Variants in BUB1 observed in about 807,000 individuals in gnomAD.
BUB1 encodes the protein mitotic checkpoint serine/threonine-protein kinase BUB1.
In BUB1, 84 loss-of-function variants were observed where a neutral mutation model predicts 135.2. The observed-to-expected ratio is 0.62, with a 90% CI of 0.52 to 0.74. The LOEUF is 0.74. Among genes scored for constraint, BUB1 ranks in the 30% least tolerant of loss-of-function variants. The pLI, the probability that BUB1 is intolerant of heterozygous loss-of-function variation, is 0.00. For synonymous variants in BUB1, 403 were observed against 434.4 expected, an observed-to-expected ratio of 0.93 and a Z score of 0.90; for missense variants, 1,162 against 1,288.3, an observed-to-expected ratio of 0.90 and a Z score of 1.50.
In BUB1 at chr2:110,639,795, G is replaced by A. The variant is rs753838787; in HGVS notation, c.3009C>T (p.Tyr1003=). The change falls in exon 24 of 25, where the codon TAC becomes TAT. Residue 1003 remains tyrosine, a synonymous_variant. Transcript: ENST00000302759. The part of the protein sequence containing the change: ...ATVYCMLFGT[Y]MKVKNEGGEC... ...CTCCTCCTTCATTTTTCACTTTCAT[G>A]TAAGTGCCAAAGAGCATGCAATATA... The A allele has an allele frequency of 1.2e-6, 2 of 1,613,710 alleles. No homozygotes were observed. The highest frequency in any genetic ancestry group is 4.5e-5 in the East Asian group (2 of 44,870).
chr2:110,653,547 C>T (rs1265947690), intron 16 of BUB1, 24 bp from the exon 17 acceptor site: 1 of 1,598,764 alleles, frequency 6.3e-7, no homozygotes, highest in Non-Finnish European at 8.6e-7. Context: ...AAATTAGAGA[C>T]AAGATATGTT....
chr2:110,638,162 GA>G lies in BUB1; in HGVS notation c.3063-4del. The G allele has an allele frequency of 6.3e-7, 1 of 1,584,354 alleles. No individual in the cohort carries two copies. The highest frequency in any genetic ancestry group is 1.2e-5 in the South Asian group (1 of 86,074). On this transcript the variant is annotated splice_polypyrimidine_tract_variant and splice_region_variant and intron_variant, in intron 24 of 24. Transcript: ENST00000302759. Reference sequence around the variant, plus strand: ...TCCACATATCCAAATGAGGAAGCCTGAAAAAGACAAAGCATAAATAATGGCT... The same window carrying G: ...TCCACATATCCAAATGAGGAAGCCTGAAAAGACAAAGCATAAATAATGGCT...
intron 4 of BUB1, 76 bp from the exon 5 acceptor site, chr2:110,670,644 C>T (rs1690396713): frequency 7.0e-7 from 1 of 1,419,142 alleles, no homozygotes; most frequent in Non-Finnish European, 9.9e-7. Flanking sequence ...AAACTAAATA[C>T]CATAGACAAC....
Position 110,667,603 on chromosome 2 carries a change from C to T in BUB1, c.723G>A (p.Lys241=). The T allele has an allele frequency of 6.2e-7, 1 of 1,614,022 alleles. No homozygotes were observed. The highest frequency in any genetic ancestry group is 8.5e-7 in the Non-Finnish European group (1 of 1,179,974). The change falls in exon 8 of 25, where the codon AAG becomes AAA. Residue 241 remains lysine, a synonymous_variant. Transcript: ENST00000302759. ...AAAATTCTGATTCCCCACGAATAAG[C>T]TTCTCCTTGCAATACATAACAACCT... ...VEQVVMYCKE[K]LIRGESEFSF... is the part of the protein sequence containing the mutation.
At chr2:110,658,816 T>G in intron 11 of BUB1, 74 bp from the exon 12 acceptor site, 1 of 1,557,346 alleles carries the variant, frequency 6.4e-7, no homozygotes. Context: ...ACAATTTAAG[T>G]AAGTTACAAT....
intron 9 of BUB1, among the ~76,000 whole-genome samples, chr2:110,665,775 CAT>C (rs1484284340): frequency 6.6e-6 from 1 of 152,024 alleles, no homozygotes; most frequent in Non-Finnish European, 1.5e-5. Context: ...CATAGACAAA[CAT>C]ATAATATGAA....
At chr2:110,641,285 C>A in intron 22 of BUB1, 22 bp downstream of exon 22, 1 of 1,594,402 alleles carries the variant, frequency 6.3e-7, no homozygotes, top group Non-Finnish European at 8.5e-7. Context: ...GAGAAGAACC[C>A]TGTTAAAAGC....
chr2:110,645,038 T>C (rs1167941622), intron 19 of BUB1, among the ~76,000 whole-genome samples: 1 of 152,136 alleles, frequency 6.6e-6, no homozygotes, highest in Admixed American at 6.5e-5. Context: ...AGAAAACAAA[T>C]ATAGTGACAA....
chr2:110,654,577 T>C (rs930172012), intron 16 of BUB1, among the ~76,000 whole-genome samples: 8 of 152,108 alleles, frequency 5.3e-5, no homozygotes, highest in African/African-American at 1.7e-4. Context: ...TATTGACTTT[T>C]TGAAGGATTC....
In BUB1 at chr2:110,667,631, T is replaced by C; in HGVS notation, c.695A>G (p.Glu232Gly). ...CTCCTTGCAATACATAACAACCTGC[T>C]CAACATCAACTTTGGATGCCAAAGA... ...HSSLASKVDVEQVVMYCKEKL... is the reference protein window; with the variant it reads ...HSSLASKVDVGQVVMYCKEKL... Residue 232 changes from glutamate (E) to glycine (G), a missense_variant, in exon 8 of 25, where the codon GAG becomes GGG. Coordinates refer to ENST00000302759, the MANE Select transcript of BUB1 (RefSeq NM_004336.5). 6.2e-7 allele frequency: 1 copy of C among 1,614,060 alleles called. No homozygotes were observed.
chr2:110,672,464 A>G (rs1014952960), intron 4 of BUB1, among the ~76,000 whole-genome samples, 197 bp downstream of exon 4: 5 of 152,256 alleles, frequency 3.3e-5, no homozygotes, highest in Non-Finnish European at 7.3e-5. Flanking sequence ...ACAGGAAAAG[A>G]TACTAGAAGG....
intron 1 of BUB1, among the ~76,000 whole-genome samples, chr2:110,676,291 T>G (rs903959193): frequency 1.3e-5 from 2 of 152,256 alleles, no homozygotes; most frequent in Admixed American, 1.3e-4. Context: ...AGAAATTCAC[T>G]TCGCTGAGAA....
intron 16 of BUB1, among the ~76,000 whole-genome samples, chr2:110,655,045 C>T (rs1689890651): frequency 6.6e-6 from 1 of 152,132 alleles, no homozygotes; most frequent in African/African-American, 2.4e-5. Flanking sequence ...ACCAAGAGGA[C>T]TGTCTAGTTT....
chr2:110,654,633 CTTT>C (rs57453073), intron 16 of BUB1, among the ~76,000 whole-genome samples: 189 of 126,996 alleles, frequency 1.5e-3, no homozygotes, highest in African/African-American at 4.8e-3. Context: ...AGGCTTTAAT[CTTT>C]TTTTTTTTTT....
intron 14 of BUB1, 83 bp from the exon 15 acceptor site, chr2:110,657,200 T>G: frequency 2.6e-6 from 3 of 1,165,660 alleles, no homozygotes; most frequent in Non-Finnish European, 2.5e-6. Context: ...AAAAGTTCTC[T>G]ACTTATCCTA....
Position 110,661,219 on chromosome 2 carries a change from T to A in BUB1, c.1217+363A>T, listed in dbSNP as rs572085355. The A allele has an allele frequency of 1.6e-5, 3 of 182,760 alleles. No homozygotes were observed. The South Asian group carries it at 4.2e-4, about 25-fold the overall frequency. The allele number at this position is 182,760 out of a possible 1,614,324, so 11.3% of individuals were successfully genotyped here. ...GACAGAAGGAATATGAGAACACATGTCAAGTAATTGTCTAGACAGTTATGA... is the reference window on the plus strand; with the variant it reads ...GACAGAAGGAATATGAGAACACATGACAAGTAATTGTCTAGACAGTTATGA... On this transcript the variant is annotated intron_variant, in intron 10 of 24. Transcript: ENST00000302759.
chr2:110,644,097 A>G (rs377155749), intron 19 of BUB1, among the ~76,000 whole-genome samples: 7 of 150,582 alleles, frequency 4.6e-5, no homozygotes, highest in African/African-American at 1.7e-4. Context: ...AGAAATAGAT[A>G]GAATAGAGTA....
At chr2:110,663,755 A>G (rs1387357901) in intron 9 of BUB1, among the ~76,000 whole-genome samples, 3 of 152,216 alleles carry the variant, frequency 2.0e-5, no homozygotes, top group Non-Finnish European at 2.9e-5. Flanking sequence ...CTGGCCGGGC[A>G]CTGTGGCTCA....
intron 9 of BUB1, among the ~76,000 whole-genome samples, chr2:110,662,456 G>A (rs183196573): frequency 9.2e-5 from 14 of 152,268 alleles, no homozygotes; most frequent in Admixed American, 9.2e-4. Flanking sequence ...TACAAAGTTA[G>A]ATGAGTTAAT....
Sources: allele counts gnomAD v4.1 joint callset (sites outside exome capture counted in the v4.1 genomes callset), GRCh38; gene constraint gnomAD v4.1.1; transcripts MANE v1.5; gene names NCBI Gene and HGNC (gene_info 2026-07-23, HGNC 2026-07-21).